The following CNNM4 variants were observed in gnomAD, a reference collection of about 807,000 sequenced individuals.
CNNM4 encodes the protein metal transporter CNNM4.
CNNM4 carries 32 observed loss-of-function variants against 53.7 expected under a neutral mutation model. The ratio of observed to expected loss-of-function variants is 0.60; its 90% CI spans 0.45 to 0.80. The LOEUF (loss-of-function observed/expected upper bound fraction) is 0.80. CNNM4 is among the 30% of genes least tolerant of loss of function. CNNM4 has a pLI of 0.00. For missense variants in CNNM4, 784 were observed against 1,022.0 expected, an observed-to-expected ratio of 0.77 and a Z score of 3.17; for synonymous variants, 410 against 440.0, an observed-to-expected ratio of 0.93 and a Z score of 0.85.
intron 5 of CNNM4, among the ~76,000 whole-genome samples, chr2:96,806,645 T>A (rs1390935048): frequency 6.6e-6 from 1 of 152,218 alleles, no homozygotes; most frequent in Non-Finnish European, 1.5e-5. Flanking sequence ...GCTAACTTAG[T>A]AACTTAATAG....
chr2:96,785,586 G>A (rs1261835593), intron 1 of CNNM4, among the ~76,000 whole-genome samples: 1 of 152,102 alleles, frequency 6.6e-6, no homozygotes, highest in Non-Finnish European at 1.5e-5. Context: ...AGCTGTGATC[G>A]TGTCACTCTG....
chr2:96,762,443 C>A (rs200436037), intron 1 of CNNM4, 42 bp downstream of exon 1: 13 of 1,561,400 alleles, frequency 8.3e-6, no homozygotes, highest in Non-Finnish European at 1.1e-5. Context: ...TTCCTCTTGA[C>A]GCCTCTTTTC....
At chr2:96,796,047 C>T (rs1254344902) in intron 1 of CNNM4, among the ~76,000 whole-genome samples, 1 of 148,458 alleles carries the variant, frequency 6.7e-6, no homozygotes, top group East Asian at 2.0e-4. Context: ...TCACAGTGCT[C>T]GGCCTCTCTG....
chr2:96,765,863 C>T (rs1188106641), intron 1 of CNNM4, among the ~76,000 whole-genome samples: 3 of 150,614 alleles, frequency 2.0e-5, no homozygotes. Context: ...GGCACCATCT[C>T]GGCTCACTGC....
At chr2:96,767,931 G>A (rs2078833028) in intron 1 of CNNM4, among the ~76,000 whole-genome samples, 1 of 152,200 alleles carries the variant, frequency 6.6e-6, no homozygotes, top group Non-Finnish European at 1.5e-5. Context: ...AATTAGCTGG[G>A]TATGATGGCA....
chr2:96,809,142 C>T (rs181963918), intron 6 of CNNM4, 178 bp from the exon 7 acceptor site: 13 of 1,410,950 alleles, frequency 9.2e-6, no homozygotes, highest in Non-Finnish European at 1.2e-5. Context: ...GTGCCCAGCC[C>T]TGAGATGCTT....
At position 96,801,513 on chromosome 2, in the gene CNNM4, C is replaced by G. The variant is rs574976623; in HGVS notation, c.1948+1865C>G. On this transcript the variant is annotated intron_variant, in intron 5 of 6. Coordinates refer to ENST00000377075, the MANE Select transcript of CNNM4 (RefSeq NM_020184.4). This position sits in a 1 kb window ranked among gnomAD's most constrained non-coding sequence, Gnocchi z 5.6. ...CACAGAGACCACACACAGAGAGAGACCACACACAGAGATAGCACACACACA... is the reference window on the plus strand; with the variant it reads ...CACAGAGACCACACACAGAGAGAGAGCACACACAGAGATAGCACACACACA... 6.8e-6 allele frequency among the ~76,000 whole-genome samples: 1 copy of G among 146,058 alleles called. No individual in the cohort carries two copies. The highest frequency in any genetic ancestry group is 2.0e-4 in the East Asian group (1 of 4,976).
chr2:96,771,933 T>C (rs1453881097), intron 1 of CNNM4, among the ~76,000 whole-genome samples: 1 of 152,138 alleles, frequency 6.6e-6, no homozygotes, highest in East Asian at 1.9e-4. Flanking sequence ...GCTAGTTTGT[T>C]TTGCTGGGGG....
At chr2:96,790,528 AT>A (rs1209275321) in intron 1 of CNNM4, among the ~76,000 whole-genome samples, 1 of 149,512 alleles carries the variant, frequency 6.7e-6, no homozygotes, top group Non-Finnish European at 1.5e-5. Context: ...CTAATTTTGT[AT>A]TTTTAGTAGA....
rs946438989 is a variant in CNNM4 at position 96,811,464 on chromosome 2, C to T, written c.*1947C>T. 2 of 152,472 alleles carry T rather than the reference C, an allele frequency of 1.3e-5. No homozygotes were observed. The highest frequency in any genetic ancestry group is 2.9e-5 in the Non-Finnish European group (2 of 68,072). 9.4% of individuals were successfully genotyped at this position (152,472 alleles called of 1,614,324 possible). A position where few individuals can be genotyped will look rare whatever the true frequency, so the allele number is the denominator to read the frequency against. ...CGGTTACCACCAACTGGCTGGCCCT[C>T]CTCCTCTTCCCTGGCCCATTGATCA... On this transcript the variant is annotated 3_prime_UTR_variant, in exon 7 of 7. Transcript: ENST00000377075.
intron 1 of CNNM4, among the ~76,000 whole-genome samples, chr2:96,765,851 A>G (rs1422871861): frequency 1.3e-5 from 2 of 149,532 alleles, no homozygotes; most frequent in East Asian, 2.0e-4. Context: ...CTGGAGTGCA[A>G]TGGCACCATC....
rs1484834246 is a variant in CNNM4 at position 96,799,605 on chromosome 2, C to T, written c.1905C>T (p.Ala635=). ...AGAACATGAAGTTTGAGACGGGCGC[C>T]TTCTCCTACTATGGGACTATGGCCC... ...GKENMKFETG[A]FSYYGTMALT... Residue 635 remains alanine, a synonymous_variant, in exon 5 of 7, where the codon GCC becomes GCT. Transcript: ENST00000377075. 2 of 1,554,250 alleles carry T rather than the reference C, an allele frequency of 1.3e-6. No homozygotes were observed. The highest frequency in any genetic ancestry group is 2.4e-5 in the East Asian group (1 of 41,130).
chr2:96,801,034 C>T lies in CNNM4; in HGVS notation c.1948+1386C>T. 1 of 965,096 alleles carries T rather than the reference C, an allele frequency of 1.0e-6. No individual in the cohort carries two copies. Among genetic ancestry groups the T allele is most frequent in the Non-Finnish European group, 1.2e-6 (1 of 811,308 alleles). The allele number at this position is 965,096 out of a possible 1,614,324, so 59.8% of individuals were successfully genotyped here. ...TGCCTGTGGTTCCGTGTCCTGTCTC[C>T]TGACTGCGCCCATCACTGACCTTCT... On this transcript the variant is annotated intron_variant, in intron 5 of 6. Transcript: ENST00000377075. This position sits in a 1 kb window ranked among gnomAD's most constrained non-coding sequence, Gnocchi z 5.6.
In CNNM4 at chr2:96,796,131, CTTTTTTTTTTTTTTTT is replaced by C. The variant is rs796494842; in HGVS notation, c.1403-865_1403-850del. On this transcript the variant is annotated intron_variant, in intron 1 of 6. Coordinates refer to ENST00000377075, the MANE Select transcript of CNNM4 (RefSeq NM_020184.4). ...CCTGATAAGTGATACCAGACAGGGT[CTTTTTTTTTTTTTTTT>C]TTTTTTTTTTTTTTTGAGACAGAGT... Among the ~76,000 whole-genome samples the C allele has an allele frequency of 3.2e-4, 16 of 50,686 alleles. No individual in the cohort carries two copies. The South Asian group carries it at 8.0e-3, about 25-fold the overall frequency. The allele number at this position is 50,686 out of a possible 152,430, so 33.3% of individuals were successfully genotyped here.
In CNNM4 at chr2:96,797,170, C is replaced by A. The variant is rs370153035; in HGVS notation, c.1546+15C>A. 15 of 1,613,870 alleles carry A rather than the reference C, an allele frequency of 9.3e-6. No homozygotes were observed. In the African/African-American group the frequency reaches 2.0e-4, roughly 22 times the overall value. On this transcript the variant is annotated intron_variant, in intron 2 of 6. Coordinates refer to ENST00000377075, the MANE Select transcript of CNNM4 (RefSeq NM_020184.4). This position sits in a 1 kb window ranked among gnomAD's most constrained non-coding sequence, Gnocchi z 6.0. ...CGACATGTACAGTGAGTCCAGCCTT[C>A]CACAGGGCCCAGGACCCCTTTCCTG...
intron 5 of CNNM4, among the ~76,000 whole-genome samples, chr2:96,806,546 C>T (rs529595724): frequency 0.031 from 4,574 of 149,284 alleles, 111 homozygotes; most frequent in Non-Finnish European, 0.047. Flanking sequence ...CGCGCGCGCG[C>T]GCGCGCGCCC....
At chr2:96,798,929 G>T (rs953610953) in intron 3 of CNNM4, 128 bp from the exon 4 acceptor site, 3 of 929,412 alleles carry the variant, frequency 3.2e-6, no homozygotes, top group East Asian at 5.0e-5. Context: ...AACGAGGGCC[G>T]GCCGAGCAGG....
At chr2:96,762,766 G>A (rs1349103568) in intron 1 of CNNM4, among the ~76,000 whole-genome samples, 3 of 152,138 alleles carry the variant, frequency 2.0e-5, no homozygotes, top group Non-Finnish European at 2.9e-5. Context: ...GAAGGGGCTG[G>A]GAAATTGGGG....
chr2:96,809,914 G>C lies in CNNM4; in HGVS notation c.*397G>C, dbSNP rs2079242923. The C allele has an allele frequency of 6.1e-6, 1 of 163,180 alleles. No individual in the cohort carries two copies. Among genetic ancestry groups the C allele is most frequent in the South Asian group, 1.7e-4 (1 of 6,010 alleles). 10.1% of individuals were successfully genotyped at this position (163,180 alleles called of 1,614,324 possible). A position where few individuals can be genotyped will look rare whatever the true frequency, so the allele number is the denominator to read the frequency against. On this transcript the variant is annotated 3_prime_UTR_variant, in exon 7 of 7. Transcript: ENST00000377075. Reference sequence around the variant, plus strand: ...GGGTTTCTTGTCCCGGGAAGCAACGGACATAATCTGTTCCCAGCCATGGCC... The same window carrying C: ...GGGTTTCTTGTCCCGGGAAGCAACGCACATAATCTGTTCCCAGCCATGGCC...
Sources: gnomAD v4.1 joint callset for allele counts (sites outside exome capture counted in the v4.1 genomes callset) on GRCh38, gnomAD v4.1.1 for gene constraint, Gnocchi (gnomAD v3.1) non-coding constraint, MANE v1.5 for transcripts, NCBI Gene and HGNC (gene_info 2026-07-23, HGNC 2026-07-21) for gene names.